KTN1: variants seen among roughly 807,000 people sequenced by gnomAD.
KTN1 encodes the protein kinectin.
Under a neutral mutation model 222.5 loss-of-function variants are expected in KTN1, and 130 were observed. The observed-to-expected ratio is 0.58, with a 90% CI of 0.51 to 0.68. KTN1 has a LOEUF of 0.68. Ranked by LOEUF, KTN1 falls within the 30% of genes least tolerant of loss-of-function variation. The probability of loss-of-function intolerance (pLI) is 0.00; values close to 1 mark genes in which losing one functional copy is unlikely to be tolerated. For missense variants in KTN1, 1,508 were observed against 1,500.4 expected, an observed-to-expected ratio of 1.01 and a Z score of -0.08; for synonymous variants, 512 against 496.3, an observed-to-expected ratio of 1.03 and a Z score of -0.42.
intron 1 of KTN1, among the ~76,000 whole-genome samples, chr14:55,596,006 T>C (rs559994452): frequency 6.6e-6 from 1 of 152,012 alleles, no homozygotes; most frequent in Non-Finnish European, 1.5e-5. Context: ...TACAAAAAAA[T>C]TAGCTGGGTG....
At chr14:55,594,408 A>G (rs2034670080) in intron 1 of KTN1, among the ~76,000 whole-genome samples, 1 of 151,862 alleles carries the variant, frequency 6.6e-6, no homozygotes, top group Admixed American at 6.6e-5. Context: ...AAGCATTGAA[A>G]TGTGATTCTT....
At position 55,675,879 on chromosome 14, in the gene KTN1, A is replaced by G. The variant is rs2045850234; in HGVS notation, c.3816A>G (p.Glu1272=). The G allele has an allele frequency of 6.2e-7, 1 of 1,613,466 alleles. No individual in the cohort carries two copies. Among genetic ancestry groups the G allele is most frequent in the Admixed American group, 1.7e-5 (1 of 59,994 alleles). The part of the protein sequence containing the change: ...LNETLTKLRT[E]QNERQKVAGD... ...AAACACTCACAAAACTTAGAACTGA[A>G]CAAAATGAAAGACAGAAGGTAGCTG... The change falls in exon 41 of 44, where the codon GAA becomes GAG. Residue 1272 remains glutamate, a synonymous_variant. Transcript: ENST00000395314.
chr14:55,663,028 T>A (rs77033617), intron 32 of KTN1: 32,346 of 454,722 alleles, frequency 0.071, 1,420 homozygotes, highest in Non-Finnish European at 0.088. Flanking sequence ...GCCACTTCGT[T>A]TTCTGTGTAT....
chr14:55,636,237 G>A (rs1181705586), intron 9 of KTN1, among the ~76,000 whole-genome samples: 2 of 152,294 alleles, frequency 1.3e-5, no homozygotes, highest in Middle Eastern at 3.4e-3. Flanking sequence ...TGTAAACCCT[G>A]TAATGTTGGA....
rs754367938 is a variant in KTN1 at position 55,633,220 on chromosome 14, G to T, written c.1222-15G>T. 2.4e-5 allele frequency: 36 copies of T among 1,510,952 alleles called. No homozygotes were observed. Among genetic ancestry groups the T allele is most frequent in the Non-Finnish European group, 3.1e-5 (35 of 1,112,880 alleles). 93.6% of individuals were successfully genotyped at this position (1,510,952 alleles called of 1,614,324 possible). A position where few individuals can be genotyped will look rare whatever the true frequency, so the allele number is the denominator to read the frequency against. On this transcript the variant is annotated splice_polypyrimidine_tract_variant and intron_variant, in intron 7 of 43. Coordinates refer to ENST00000395314, the MANE Select transcript of KTN1 (RefSeq NM_001079521.2). ...TCTTTGTTTTCTAAGTTTTATGTGT[G>T]TAAAATAATTTTAGTTTCAGCAAGT...
chr14:55,623,436 G>A (rs925400977), intron 5 of KTN1, among the ~76,000 whole-genome samples: 2 of 152,220 alleles, frequency 1.3e-5, no homozygotes, highest in Non-Finnish European at 2.9e-5. Context: ...CTGGAGTGCT[G>A]TGGCGCAATC....
In KTN1 at chr14:55,637,218, G is replaced by A. The variant is rs764179675; in HGVS notation, c.1570G>A (p.Ala524Thr). ...AQQDLQSKFV[A>T]KENEVQSLHS... ...TACAGATTTACAGAGTAAATTTGTG[G>A]CCAAAGAAAATGAAGTACAGAGTCT... is the stretch of plus-strand genomic sequence containing the variant. The change falls in exon 11 of 44, where the codon GCC (alanine) becomes ACC (threonine). Residue 524 changes from alanine to threonine, a missense_variant. Coordinates refer to ENST00000395314, the MANE Select transcript of KTN1 (RefSeq NM_001079521.2). The A allele has an allele frequency of 3.2e-5, 51 of 1,601,844 alleles. No individual in the cohort carries two copies. Among genetic ancestry groups the A allele is most frequent in the Non-Finnish European group, 4.2e-5 (49 of 1,173,792 alleles).
chr14:55,616,426 T>A, intron 2 of KTN1, 91 bp from the exon 3 acceptor site: 15 of 1,214,672 alleles, frequency 1.2e-5, no homozygotes, highest in Non-Finnish European at 1.7e-5. Context: ...TTTTTAGTGG[T>A]AAAACATTCT....
rs999803775 is a variant in KTN1 at position 55,618,285 on chromosome 14, A to G, written c.832+151A>G. ...AGACTTATTGGTAGTCTTTTAGTCC[A>G]GCCTCCTCAGTTTTGTAGATCTGGA... is the stretch of plus-strand genomic sequence containing the variant. On this transcript the variant is annotated intron_variant, in intron 4 of 43. Coordinates refer to ENST00000395314, the MANE Select transcript of KTN1 (RefSeq NM_001079521.2). 10 of 555,866 alleles carry G rather than the reference A, an allele frequency of 1.8e-5. No individual in the cohort carries two copies. The African/African-American group carries it at 1.9e-4, about 11-fold the overall frequency. The allele number at this position is 555,866 out of a possible 1,614,324, so 34.4% of individuals were successfully genotyped here.
intron 5 of KTN1, among the ~76,000 whole-genome samples, chr14:55,621,865 T>C (rs901815851): frequency 7.4e-6 from 1 of 134,980 alleles, no homozygotes; most frequent in Non-Finnish European, 1.6e-5. Flanking sequence ...TTTTTTTTTT[T>C]TGAGACAGAG....
intron 1 of KTN1, among the ~76,000 whole-genome samples, chr14:55,596,154 C>CAAAAAAAAAAAAAAAAAAAAA (rs71448460): frequency 3.3e-5 from 2 of 61,096 alleles, no homozygotes; most frequent in African/African-American, 6.8e-5. Flanking sequence ...GACTCAATAG[C>CAAAAAAAAAAAAAAAAAAAAA]AAAAAAAAAA....
chr14:55,650,749 G>A (rs2042858963), intron 24 of KTN1, 112 bp downstream of exon 24: 1 of 649,046 alleles, frequency 1.5e-6, no homozygotes, highest in East Asian at 2.7e-5. Flanking sequence ...AGGTATATTG[G>A]GTTATGTGCT....
intron 43 of KTN1, chr14:55,682,928 G>A (rs555760572): frequency 6.6e-6 from 1 of 151,962 alleles, no homozygotes; most frequent in South Asian, 2.1e-4. Context: ...GTTGATATTT[G>A]GTTTGTCAGT....
chr14:55,665,296 TA>T (rs1211371331), intron 33 of KTN1, among the ~76,000 whole-genome samples: 1 of 152,076 alleles, frequency 6.6e-6, no homozygotes, highest in Non-Finnish European at 1.5e-5. Flanking sequence ...TTTTTGGTTT[TA>T]TTTTTTTAGT....
chr14:55,601,300 G>A (rs751760510), intron 1 of KTN1, among the ~76,000 whole-genome samples: 13 of 152,188 alleles, frequency 8.5e-5, no homozygotes, highest in Non-Finnish European at 1.8e-4. Context: ...AGGAGAAATT[G>A]TACCATAGCT....
chr14:55,618,030 G>T lies in KTN1; in HGVS notation c.728G>T (p.Ser243Ile), dbSNP rs1233291282. ...YIPLMDNADS[S>I]PVVDKREVID... ...CCTTTGATGGATAATGCTGACTCAA[G>T]TCCTGTGGTAGATAAGAGAGAGGTT... Residue 243 changes from serine to isoleucine, a missense_variant, in exon 4 of 44, where the codon AGT becomes ATT. Transcript: ENST00000395314. 6.2e-7 allele frequency: 1 copy of T among 1,612,594 alleles called. No homozygotes were observed. The highest frequency in any genetic ancestry group is 1.1e-5 in the South Asian group (1 of 91,010).
Position 55,626,593 on chromosome 14 carries a change from T to C in KTN1, c.964-1319T>C, listed in dbSNP as rs1566741356. Among the ~76,000 whole-genome samples the C allele has an allele frequency of 1.3e-5, 2 of 152,182 alleles. 1 individual carries two copies. Among genetic ancestry groups the C allele is most frequent in the South Asian group, 4.1e-4 (2 of 4,834 alleles). On this transcript the variant is annotated intron_variant, in intron 5 of 43. Coordinates refer to ENST00000395314, the MANE Select transcript of KTN1 (RefSeq NM_001079521.2). ...GTATAGATCCTGTTTTGTTTTGTTT[T>C]GTTTTGTTTCATTTTATTTACTACT... is the stretch of plus-strand genomic sequence containing the variant.
chr14:55,617,498 C>G (rs2038552521), intron 3 of KTN1, among the ~76,000 whole-genome samples: 2 of 152,160 alleles, frequency 1.3e-5, no homozygotes, highest in Admixed American at 1.3e-4. Flanking sequence ...CATAACTCTT[C>G]AGAAATGAGA....
chr14:55,582,392 G>C (rs1001644675), intron 1 of KTN1, among the ~76,000 whole-genome samples: 6 of 152,028 alleles, frequency 3.9e-5, no homozygotes, highest in Admixed American at 2.0e-4. Flanking sequence ...AGTCAATATG[G>C]CTTTTTAAAA....
Sources: allele counts gnomAD v4.1 joint callset (sites outside exome capture counted in the v4.1 genomes callset), GRCh38; gene constraint gnomAD v4.1.1; transcripts MANE v1.5; gene names NCBI Gene and HGNC (gene_info 2026-07-23, HGNC 2026-07-21).